WWOX: variants seen among roughly 807,000 people sequenced by gnomAD.
WWOX encodes the protein WW domain containing oxidoreductase, also known as WW domain-containing oxidoreductase.
Under a neutral mutation model 46.2 loss-of-function variants are expected in WWOX, and 69 were observed. That is an observed-to-expected ratio of 1.49 (90% CI 1.23 to 1.82). WWOX has a LOEUF of 1.82. Among genes scored for constraint, WWOX ranks in the 40% most tolerant of loss-of-function variants. The pLI, the probability that WWOX is intolerant of heterozygous loss-of-function variation, is 0.00. For synonymous variants in WWOX, 359 were observed against 202.6 expected (o/e 1.77, Z -6.56); for missense variants, 919 against 542.6 (o/e 1.69, Z -6.89).
intron 8 of WWOX, among the ~76,000 whole-genome samples, chr16:78,969,512 C>T (rs185242058): frequency 0.026 from 3,944 of 152,116 alleles, 157 homozygotes; most frequent in African/African-American, 0.089. Flanking sequence ...CTCAAGTGAT[C>T]CAACCGCCTC....
chr16:78,734,810 C>T (rs1360808284), intron 8 of WWOX, among the ~76,000 whole-genome samples: 2 of 127,310 alleles, frequency 1.6e-5, no homozygotes, highest in Non-Finnish European at 3.2e-5. Context: ...AGAACTCCTT[C>T]TGCCTGATGA....
At chr16:78,571,096 G>A (rs187145526) in intron 8 of WWOX, among the ~76,000 whole-genome samples, 14 of 152,260 alleles carry the variant, frequency 9.2e-5, no homozygotes, top group Admixed American at 8.5e-4. Context: ...TATCTGCAAT[G>A]GGAAAGCTTA....
intron 8 of WWOX, among the ~76,000 whole-genome samples, chr16:78,771,773 C>CAATAAATA (rs60862470): frequency 1.9e-4 from 27 of 144,484 alleles, no homozygotes; most frequent in East Asian, 8.2e-4. Context: ...CTCTGTCTCA[C>CAATAAATA]AATAAATAAA....
rs541098076 is a variant in WWOX, at chr16:78,144,751, C to A, written c.410-19432C>A. ...GGCCAGGCCAGTCTCAAACTCCTGA[C>A]CTCAAGAAATCCGCCCACCTTGGCC... On this transcript the variant is annotated intron_variant, in intron 4 of 8. Transcript: ENST00000566780. Among the ~76,000 whole-genome samples the A allele has an allele frequency of 2.0e-5, 3 of 151,412 alleles. No individual in the cohort carries two copies. The South Asian group carries it at 6.3e-4, about 32-fold the overall frequency.
At chr16:79,000,889 C>G (rs1197532236) in intron 8 of WWOX, among the ~76,000 whole-genome samples, 2 of 152,108 alleles carry the variant, frequency 1.3e-5, no homozygotes, top group East Asian at 3.9e-4. Context: ...TCATGTTGCA[C>G]TTATTTGTGT....
chr16:79,212,403 ATAGACTCCTTTGCT>A lies in WWOX; in HGVS notation c.*608_*621del. The A allele has an allele frequency of 2.3e-6, 1 of 430,352 alleles. No homozygotes were observed. The highest frequency in any genetic ancestry group is 4.1e-6 in the Non-Finnish European group (1 of 242,946). The allele number at this position is 430,352 out of a possible 1,614,324, so 26.7% of individuals were successfully genotyped here. Reference sequence around the variant, plus strand: ...ACTACCAGGTGGCAAAGTACTTGTCATAGACTCCTTTGCTAATGCTATGCAAAAAATTCTTTAGA... The same window carrying A: ...ACTACCAGGTGGCAAAGTACTTGTCAAATGCTATGCAAAAAATTCTTTAGA... On this transcript the variant is annotated 3_prime_UTR_variant, in exon 9 of 9. Coordinates refer to ENST00000566780, the MANE Select transcript of WWOX (RefSeq NM_016373.4).
intron 8 of WWOX, among the ~76,000 whole-genome samples, chr16:78,835,549 C>T (rs895746075): frequency 5.9e-5 from 9 of 152,208 alleles, no homozygotes; most frequent in Non-Finnish European, 1.3e-4. Flanking sequence ...AGAATGTTCA[C>T]ACAGTTGTTC....
At chr16:78,323,873 C>G (rs563007638) in intron 5 of WWOX, among the ~76,000 whole-genome samples, 1 of 152,188 alleles carries the variant, frequency 6.6e-6, no homozygotes, top group Non-Finnish European at 1.5e-5. Flanking sequence ...CTTAAGGACT[C>G]AGAGGCCTGC....
chr16:78,661,683 G>A (rs988990949), intron 8 of WWOX, among the ~76,000 whole-genome samples: 4 of 152,048 alleles, frequency 2.6e-5, no homozygotes, highest in African/African-American at 9.7e-5. Context: ...TGGAATGGGG[G>A]GAAAAGCTTC....
intron 8 of WWOX, among the ~76,000 whole-genome samples, chr16:79,067,228 C>T (rs1053828761): frequency 3.3e-5 from 5 of 152,212 alleles, no homozygotes; most frequent in Admixed American, 2.0e-4. Context: ...TATTCACTAT[C>T]GAGAACGATT....
chr16:78,196,499 C>T (rs186984516), intron 5 of WWOX, among the ~76,000 whole-genome samples: 251 of 152,268 alleles, frequency 1.6e-3, no homozygotes, highest in African/African-American at 2.3e-3. Context: ...TACTTTGTAA[C>T]CACATTAATT....
At chr16:78,748,085 G>T (rs538258651) in intron 8 of WWOX, among the ~76,000 whole-genome samples, 1 of 152,202 alleles carries the variant, frequency 6.6e-6, no homozygotes, top group Admixed American at 6.5e-5. Flanking sequence ...TTTTTTCACA[G>T]ACTCTGCTCT....
intron 8 of WWOX, among the ~76,000 whole-genome samples, chr16:78,902,935 C>T (rs180915233): frequency 3.9e-5 from 6 of 152,294 alleles, no homozygotes; most frequent in South Asian, 4.1e-4. Context: ...AAGGGAGTCG[C>T]GGCTGAGTCG....
chr16:78,246,737 C>T (rs1597397212), intron 5 of WWOX, among the ~76,000 whole-genome samples: 1 of 152,214 alleles, frequency 6.6e-6, no homozygotes, highest in African/African-American at 2.4e-5. Flanking sequence ...CCCCGACCAT[C>T]AGTCATGAGT....
rs960901820 is a variant in WWOX, at chr16:78,918,746, G to C, written c.1057-292862G>C. Among the ~76,000 whole-genome samples, 5 of 152,138 alleles carry C rather than the reference G, an allele frequency of 3.3e-5. No individual in the cohort carries two copies. In the East Asian group the frequency reaches 9.6e-4, roughly 29 times the overall value. On this transcript the variant is annotated intron_variant, in intron 8 of 8. Coordinates refer to ENST00000566780, the MANE Select transcript of WWOX (RefSeq NM_016373.4). ...ATTTTCTCTCACTATACCCATTTCA[G>C]AAATTCCAGAATTAATGCTCGGAGG...
chr16:79,039,851 C>G (rs1161466753), intron 8 of WWOX, among the ~76,000 whole-genome samples: 1 of 152,176 alleles, frequency 6.6e-6, no homozygotes, highest in Non-Finnish European at 1.5e-5. Context: ...TCATCTCTAC[C>G]AGTCAGGAGT....
At position 78,326,381 on chromosome 16, in the gene WWOX, CT is replaced by C. The variant is rs1052125103; in HGVS notation, c.517-60478del. Among the ~76,000 whole-genome samples, 23 of 152,194 alleles carry C rather than the reference CT, an allele frequency of 1.5e-4. No individual in the cohort carries two copies. In the East Asian group the frequency reaches 2.5e-3, roughly 17 times the overall value. ...TCTGTCTTTTTATATTCTGCCACCC[CT>C]ATCATACTTAGGAAAATGCCAGGTT... On this transcript the variant is annotated intron_variant, in intron 5 of 8. Coordinates refer to ENST00000566780, the MANE Select transcript of WWOX (RefSeq NM_016373.4).
intron 8 of WWOX, among the ~76,000 whole-genome samples, chr16:78,894,117 C>T (rs1055533614): frequency 5.3e-5 from 8 of 151,334 alleles, no homozygotes; most frequent in Non-Finnish European, 8.8e-5. Context: ...TGGCTCACTG[C>T]AGCCTTGACC....
chr16:78,693,584 T>TCA (rs1567495779), intron 8 of WWOX, among the ~76,000 whole-genome samples: 1 of 152,190 alleles, frequency 6.6e-6, no homozygotes, highest in Admixed American at 6.6e-5. Context: ...GGCCCTCCTC[T>TCA]AGGGCAGTGG....
Sources: gnomAD v4.1 joint callset for allele counts (sites outside exome capture counted in the v4.1 genomes callset) on GRCh38, gnomAD v4.1.1 for gene constraint, MANE v1.5 for transcripts, NCBI Gene and HGNC (gene_info 2026-07-23, HGNC 2026-07-21) for gene names.